ANKRD30B: variants seen among roughly 807,000 people sequenced by gnomAD.
The protein encoded by ANKRD30B is ankyrin repeat domain 30B.
Under a neutral mutation model 202.2 loss-of-function variants are expected in ANKRD30B, and 144 were observed. The observed-to-expected ratio is 0.71, with a 90% confidence interval of 0.62 to 0.82. The LOEUF is 0.82. ANKRD30B is among the 40% of genes least tolerant of loss of function. ANKRD30B has a pLI of 0.00. For synonymous variants in ANKRD30B, 508 were observed against 561.3 expected, an observed-to-expected ratio of 0.91 and a Z score of 1.34; for missense variants, 1,487 against 1,669.1, an observed-to-expected ratio of 0.89 and a Z score of 1.90.
intron 15 of ANKRD30B, 56 bp from the exon 16 acceptor site, chr18:14,791,345 C>CTCT: frequency 7.0e-7 from 1 of 1,429,148 alleles, no homozygotes. Flanking sequence ...AATTTTGATA[C>CTCT]TCTTCATTAC....
intron 34 of ANKRD30B, among the ~76,000 whole-genome samples, chr18:14,835,795 A>C (rs185118010): frequency 1.0e-3 from 157 of 152,098 alleles, no homozygotes; most frequent in African/African-American, 3.7e-3. Context: ...ATCTCACTTT[A>C]TAGTAGTACT....
Position 14,828,264 on chromosome 18 carries a change from C to G in ANKRD30B, c.2744-14C>G. 6.6e-7 allele frequency: 1 copy of G among 1,523,890 alleles called. No homozygotes were observed. Among genetic ancestry groups the G allele is most frequent in the Non-Finnish European group, 8.8e-7 (1 of 1,134,468 alleles). The allele number at this position is 1,523,890 out of a possible 1,614,324, so 94.4% of individuals were successfully genotyped here. A position where few individuals can be genotyped will look rare whatever the true frequency, so the allele number is the denominator to read the frequency against. Reference sequence around the variant, plus strand: ...ATTTGTTGATTTAATGTATTTTACTCTTTTCTTTAATAGAGGATGTGAGTT... The same window carrying G: ...ATTTGTTGATTTAATGTATTTTACTGTTTTCTTTAATAGAGGATGTGAGTT... On this transcript the variant is annotated splice_polypyrimidine_tract_variant and intron_variant, in intron 32 of 43. Coordinates refer to ENST00000690538, the MANE Select transcript of ANKRD30B (RefSeq NM_001367607.2).
At chr18:14,861,378 A>G in the ANKRD30B span, among the ~76,000 whole-genome samples, 3 of 152,092 alleles carry the variant, frequency 2.0e-5, no homozygotes, top group Non-Finnish European at 4.4e-5. Context: ...TGAGAGACCC[A>G]TCTCATGTGT....
rs774357002 is a variant in ANKRD30B at position 14,778,085 on chromosome 18, A to AT, written c.1420+16dup. 1.5e-5 allele frequency: 23 copies of AT among 1,503,540 alleles called. 1 individual carries two copies. The South Asian group carries it at 2.4e-4, about 16-fold the overall frequency. The allele number at this position is 1,503,540 out of a possible 1,614,324, so 93.1% of individuals were successfully genotyped here. A position where few individuals can be genotyped will look rare whatever the true frequency, so the allele number is the denominator to read the frequency against. ...AATCACAAAATAGAAGGTAAGAACC[A>AT]TTTTTTATTTAAAACATCTTTTGAC... On this transcript the variant is annotated intron_variant, in intron 10 of 43. Coordinates refer to ENST00000690538, the MANE Select transcript of ANKRD30B (RefSeq NM_001367607.2).
chr18:14,875,175 G>T, the ANKRD30B span, among the ~76,000 whole-genome samples: 1 of 152,156 alleles, frequency 6.6e-6, no homozygotes. Flanking sequence ...GCAGTCACAG[G>T]TCTCCACTAG....
chr18:14,772,284 T>C, intron 9 of ANKRD30B, 56 bp downstream of exon 9: 2 of 1,185,082 alleles, frequency 1.7e-6, no homozygotes, highest in Non-Finnish European at 2.3e-6. Context: ...TTCTGTATAG[T>C]ATTTCTTAGC....
At chr18:14,833,823 A>T (rs1971059315) in intron 34 of ANKRD30B, among the ~76,000 whole-genome samples, 1 of 152,168 alleles carries the variant, frequency 6.6e-6, no homozygotes, top group African/African-American at 2.4e-5. Flanking sequence ...TGATTGACGC[A>T]TCATGGCTCT....
At chr18:14,926,450 C>T in the ANKRD30B span, among the ~76,000 whole-genome samples, 3 of 152,108 alleles carry the variant, frequency 2.0e-5, no homozygotes, top group South Asian at 2.1e-4. Context: ...GGGCAGCTCT[C>T]GTGGGGCATC....
chr18:14,799,354 C>CT (rs1166293490), intron 22 of ANKRD30B, 59 bp downstream of exon 22: 14 of 1,392,070 alleles, frequency 1.0e-5, no homozygotes, highest in African/African-American at 1.5e-5. Context: ...ATTTGAAATG[C>CT]TGAGCACCTT....
At chr18:14,833,424 A>G (rs1435882511) in intron 34 of ANKRD30B, among the ~76,000 whole-genome samples, 1 of 152,152 alleles carries the variant, frequency 6.6e-6, no homozygotes, top group African/African-American at 2.4e-5. Context: ...AATCTTTTCT[A>G]TTTTTAATAG....
At chr18:14,883,185 T>C in the ANKRD30B span, among the ~76,000 whole-genome samples, 1 of 151,978 alleles carries the variant, frequency 6.6e-6, no homozygotes, top group African/African-American at 2.4e-5. Flanking sequence ...TTGGTTTTTG[T>C]TGTTGTTTGC....
the ANKRD30B span, among the ~76,000 whole-genome samples, chr18:14,869,185 G>C: frequency 6.6e-6 from 1 of 152,194 alleles, no homozygotes; most frequent in Non-Finnish European, 1.5e-5. Context: ...TTTCTTGCTA[G>C]CTTGAGGGTT....
intron 18 of ANKRD30B, 137 bp from the exon 19 acceptor site, chr18:14,797,524 C>G (rs1481128852): frequency 4.0e-6 from 4 of 992,748 alleles, no homozygotes; most frequent in South Asian, 1.3e-5. Flanking sequence ...TACAATAACC[C>G]AAAGGACCCC....
the ANKRD30B span, among the ~76,000 whole-genome samples, chr18:14,879,531 A>G: frequency 1.3e-5 from 2 of 152,210 alleles, no homozygotes; most frequent in Non-Finnish European, 1.5e-5. Context: ...ATACAAATGT[A>G]GTAACGAACC....
At chr18:14,786,671 G>C (rs1041722801) in intron 14 of ANKRD30B, among the ~76,000 whole-genome samples, 2 of 152,086 alleles carry the variant, frequency 1.3e-5, no homozygotes, top group African/African-American at 4.8e-5. Context: ...AGTAACACTA[G>C]AAACTAAAAA....
At chr18:14,761,151 G>A (rs532794134) in intron 6 of ANKRD30B, among the ~76,000 whole-genome samples, 1 of 152,284 alleles carries the variant, frequency 6.6e-6, no homozygotes, top group South Asian at 2.1e-4. Flanking sequence ...ATGGAGAGTA[G>A]GAATTAATAA....
Position 14,789,177 on chromosome 18 carries a change from A to C in ANKRD30B, c.1734+2077A>C, listed in dbSNP as rs551412282. On this transcript the variant is annotated intron_variant, in intron 15 of 43. Coordinates refer to ENST00000690538, the MANE Select transcript of ANKRD30B (RefSeq NM_001367607.2). ...GAGCATTTTTTCATGTGTTTTTTGG[A>C]TGCATAAATGTCTTCTTTTGAGAAG... is the stretch of plus-strand genomic sequence containing the variant. Among the ~76,000 whole-genome samples, 134 of 152,188 alleles carry C rather than the reference A, an allele frequency of 8.8e-4. 1 individual carries two copies. Among genetic ancestry groups the C allele is most frequent in the African/African-American group, 2.0e-3 (81 of 41,534 alleles).
intron 8 of ANKRD30B, among the ~76,000 whole-genome samples, chr18:14,771,764 A>C (rs895526817): frequency 1.3e-5 from 2 of 152,198 alleles, no homozygotes; most frequent in African/African-American, 4.8e-5. Context: ...TTAGGTTATC[A>C]AGTTTGTTCC....
chr18:14,940,071 T>G, the ANKRD30B span, among the ~76,000 whole-genome samples: 1 of 152,238 alleles, frequency 6.6e-6, no homozygotes, highest in South Asian at 2.1e-4. Context: ...ATTTTGACTG[T>G]GCAGCAGAAT....
Sources: allele counts gnomAD v4.1 joint callset (sites outside exome capture counted in the v4.1 genomes callset), GRCh38; gene constraint gnomAD v4.1.1; transcripts MANE v1.5; gene names NCBI Gene and HGNC (gene_info 2026-07-23, HGNC 2026-07-21).